The following HTT variants were observed in gnomAD, a reference collection of about 807,000 sequenced individuals.
HTT encodes the protein huntingtin.
HTT carries 104 observed loss-of-function variants against 362.3 expected under a neutral mutation model. That is an observed-to-expected ratio of 0.29 (90% CI 0.24 to 0.34). HTT has a LOEUF of 0.34. Among genes scored for constraint, HTT ranks in the 10% least tolerant of loss-of-function variants. The pLI is 1.00. For missense variants in HTT, 3,301 were observed against 3,928.6 expected (o/e 0.84, Z 4.27); for synonymous variants, 1,577 against 1,548.7 (o/e 1.02, Z -0.43).
At chr4:3,100,428 C>G (rs1400339000) in intron 3 of HTT, among the ~76,000 whole-genome samples, 1 of 152,168 alleles carries the variant, frequency 6.6e-6, no homozygotes, top group Non-Finnish European at 1.5e-5. Context: ...GTGGCTAGCA[C>G]TTTGTTGTTT....
chr4:3,132,711 A>G lies in HTT; in HGVS notation c.2386A>G (p.Thr796Ala). ...HVGDWMGTIR[T>A]LTGNTFSLAD... is the part of the protein sequence containing the mutation. ...GGGAGATTGGATGGGCACCATTAGA[A>G]CCCTCACAGGTAACGGCCAGTTTTT... The change falls in exon 17 of 67, where the codon ACC (threonine) becomes GCC (alanine). Residue 796 changes from threonine to alanine, a missense_variant. Thr to Ala is a moderately conservative substitution (Grantham distance 58). Coordinates refer to ENST00000355072, the MANE Select transcript of HTT (RefSeq NM_001388492.1). 1 of 1,613,948 alleles carries G rather than the reference A, an allele frequency of 6.2e-7. No homozygotes were observed. The highest frequency in any genetic ancestry group is 8.5e-7 in the Non-Finnish European group (1 of 1,179,946).
At chr4:3,239,402 A>C (rs1312747308) in intron 66 of HTT, among the ~76,000 whole-genome samples, 1 of 143,034 alleles carries the variant, frequency 7.0e-6, no homozygotes, top group Non-Finnish European at 1.6e-5. Flanking sequence ...TCCCACCCCC[A>C]GATGCTGGCT....
chr4:3,213,137 A>C (rs1167724219), intron 49 of HTT: 1 of 169,834 alleles, frequency 5.9e-6, no homozygotes, highest in South Asian at 1.6e-4. Flanking sequence ...TTAAAGGGCC[A>C]TCGCTGTGCT....
chr4:3,082,012 A>G (rs1712938730), intron 1 of HTT, among the ~76,000 whole-genome samples: 1 of 151,786 alleles, frequency 6.6e-6, no homozygotes, highest in Non-Finnish European at 1.5e-5. Context: ...CTAACTTCCT[A>G]AGAACAAAAG....
chr4:3,226,600 G>T (rs1035658204), intron 57 of HTT, among the ~76,000 whole-genome samples: 1 of 152,272 alleles, frequency 6.6e-6, no homozygotes, highest in Admixed American at 6.5e-5. Context: ...CCACCCCGGT[G>T]CTGTGTCTTT....
At chr4:3,114,809 G>A (rs1714939099) in intron 6 of HTT, among the ~76,000 whole-genome samples, 1 of 152,166 alleles carries the variant, frequency 6.6e-6, no homozygotes, top group African/African-American at 2.4e-5. Flanking sequence ...AATTTCTTAG[G>A]AGAACAGTTT....
intron 53 of HTT, 62 bp from the exon 54 acceptor site, chr4:3,222,325 C>T: frequency 6.3e-6 from 9 of 1,432,018 alleles, no homozygotes; most frequent in Non-Finnish European, 8.8e-6. Context: ...GCGTAGCTGT[C>T]AGCTCTCCGT....
rs1371331144 is a variant in HTT at position 3,222,477 on chromosome 4, G to A, written c.7460G>A (p.Ser2487Asn). 13 of 1,613,928 alleles carry A rather than the reference G, an allele frequency of 8.1e-6. No individual in the cohort carries two copies. Among genetic ancestry groups the A allele is most frequent in the Admixed American group, 3.3e-5 (2 of 60,032 alleles). ...TQPLVMEQEESPPEEDTERTQ... is the reference protein window; with the variant it reads ...TQPLVMEQEENPPEEDTERTQ... ...CCCCTCGTGATGGAGCAGGAGGAGA[G>A]CCCACCAGAAGTAAGGCCACACCCT... The change falls in exon 54 of 67, where the codon AGC becomes AAC. Residue 2487 changes from serine (S) to asparagine (N), a missense_variant. Ser to Asn is a conservative substitution (Grantham distance 46, BLOSUM62 1). Coordinates refer to ENST00000355072, the MANE Select transcript of HTT (RefSeq NM_001388492.1).
chr4:3,209,910 G>A lies in HTT; in HGVS notation c.6375G>A (p.Arg2125=). ...TGGAAGGTGCAGAGCTGGTGAATCG[G>A]ATTCCTGCTGAAGATATGAATGCCT... is the stretch of plus-strand genomic sequence containing the variant. The part of the protein sequence containing the change: ...ALLEGAELVN[R]IPAEDMNAFM... The change falls in exon 47 of 67, where the codon CGG becomes CGA. Residue 2125 remains arginine (R), a synonymous_variant. Transcript: ENST00000355072. The A allele has an allele frequency of 6.2e-7, 1 of 1,614,126 alleles. No individual in the cohort carries two copies. Among genetic ancestry groups the A allele is most frequent in the Non-Finnish European group, 8.5e-7 (1 of 1,179,990 alleles).
chr4:3,191,023 A>G (rs1398742349), intron 40 of HTT, among the ~76,000 whole-genome samples: 1 of 152,212 alleles, frequency 6.6e-6, no homozygotes, highest in Non-Finnish European at 1.5e-5. Flanking sequence ...AGCCCTTGAT[A>G]TTAAAAAGGT....
intron 38 of HTT, 136 bp from the exon 39 acceptor site, chr4:3,187,515 T>G: frequency 1.5e-6 from 1 of 665,350 alleles, no homozygotes; most frequent in Admixed American, 2.7e-5. Context: ...GGAGCACACT[T>G]TGGGACTCAG....
At chr4:3,202,515 A>C (rs1220328358) in intron 41 of HTT, among the ~76,000 whole-genome samples, 1 of 152,174 alleles carries the variant, frequency 6.6e-6, no homozygotes, top group Non-Finnish European at 1.5e-5. Context: ...TCACATTGAC[A>C]CATAATTTAC....
intron 40 of HTT, among the ~76,000 whole-genome samples, chr4:3,196,899 A>G (rs969749409): frequency 6.6e-6 from 1 of 152,118 alleles, no homozygotes; most frequent in Admixed American, 6.5e-5. Context: ...TGCTTCCTTC[A>G]TGAGGGGTCC....
chr4:3,108,814 G>A (rs1578505009), intron 6 of HTT, among the ~76,000 whole-genome samples: 1 of 152,202 alleles, frequency 6.6e-6, no homozygotes, highest in Middle Eastern at 3.4e-3. Context: ...GGGAGGCTGA[G>A]GTAGGAGGAT....
Position 3,209,904 on chromosome 4 carries a change from G to C in HTT, c.6369G>C (p.Val2123=). 1 of 1,614,168 alleles carries C rather than the reference G, an allele frequency of 6.2e-7. No homozygotes were observed. Among genetic ancestry groups the C allele is most frequent in the Non-Finnish European group, 8.5e-7 (1 of 1,180,006 alleles). Reference sequence around the variant, plus strand: ...CACTGCTGGAAGGTGCAGAGCTGGTGAATCGGATTCCTGCTGAAGATATGA... The same window carrying C: ...CACTGCTGGAAGGTGCAGAGCTGGTCAATCGGATTCCTGCTGAAGATATGA... The part of the protein sequence containing the change: ...DSALLEGAEL[V]NRIPAEDMNA... Residue 2123 remains valine (V), a synonymous_variant, in exon 47 of 67, where the codon GTG becomes GTC. Coordinates refer to ENST00000355072, the MANE Select transcript of HTT (RefSeq NM_001388492.1).
rs1653405074 is a variant in HTT, at chr4:3,132,630, G to T, written c.2305G>T (p.Ala769Ser). ...AGACCCACAGGTTCGAGGAGCCACT[G>T]CCATTCTCTGTGGGACCCTCATCTG... is the stretch of plus-strand genomic sequence containing the variant. Reference protein sequence around the residue: ...HGDPQVRGATAILCGTLICSI... With the variant: ...HGDPQVRGATSILCGTLICSI... The change falls in exon 17 of 67, where the codon GCC becomes TCC. Residue 769 changes from alanine to serine, a missense_variant. By Grantham distance (99) the Ala-to-Ser change is moderately conservative (BLOSUM62 1). Coordinates refer to ENST00000355072, the MANE Select transcript of HTT (RefSeq NM_001388492.1). The T allele has an allele frequency of 1.9e-6, 3 of 1,613,810 alleles. No homozygotes were observed. In the South Asian group the frequency reaches 3.3e-5, roughly 18 times the overall value.
chr4:3,111,297 A>C (rs1046801840), intron 6 of HTT, among the ~76,000 whole-genome samples: 10 of 150,930 alleles, frequency 6.6e-5, no homozygotes, highest in Admixed American at 4.0e-4. Context: ...AGGTTCAAGC[A>C]GTTCTCCTGC....
intron 61 of HTT, among the ~76,000 whole-genome samples, chr4:3,233,635 C>G (rs1280626122): frequency 6.6e-6 from 1 of 152,202 alleles, no homozygotes; most frequent in Admixed American, 6.5e-5. Context: ...ACTCTGCTCT[C>G]GAGGCCATCG....
intron 57 of HTT, 131 bp downstream of exon 57, chr4:3,225,874 A>T: frequency 1.6e-6 from 1 of 643,940 alleles, no homozygotes. Context: ...TTAAAAAAAA[A>T]TTTAATGTTC....
Sources: gnomAD v4.1 joint callset for allele counts (sites outside exome capture counted in the v4.1 genomes callset) on GRCh38, gnomAD v4.1.1 for gene constraint, MANE v1.5 for transcripts, NCBI Gene and HGNC (gene_info 2026-07-23, HGNC 2026-07-21) for gene names.